The following SORCS2 variants were observed in gnomAD, a reference collection of about 807,000 sequenced individuals.
SORCS2 encodes the protein VPS10 domain-containing receptor SorCS2.
In SORCS2, 100 loss-of-function variants were observed where a neutral mutation model predicts 141.6. The observed-to-expected ratio is 0.71, with a 90% CI of 0.60 to 0.83. The LOEUF (loss-of-function observed/expected upper bound fraction) is 0.83, where lower values mean the gene tolerates loss of function less well. Ranked by LOEUF, SORCS2 falls within the 40% of genes least tolerant of loss-of-function variation. SORCS2 has a pLI of 0.00. For synonymous variants in SORCS2, 789 were observed against 676.9 expected, an observed-to-expected ratio of 1.17 and a Z score of -2.57; for missense variants, 1,646 against 1,560.2, an observed-to-expected ratio of 1.05 and a Z score of -0.93.
At chr4:7,309,548 G>A (rs1421456877) in intron 1 of SORCS2, among the ~76,000 whole-genome samples, 3 of 152,188 alleles carry the variant, frequency 2.0e-5, no homozygotes, top group African/African-American at 7.2e-5. Flanking sequence ...ATGGAGGAGT[G>A]AGAACCTGCC....
At chr4:7,629,187 A>T (rs1172925054) in intron 3 of SORCS2, among the ~76,000 whole-genome samples, 2 of 152,224 alleles carry the variant, frequency 1.3e-5, no homozygotes, top group Non-Finnish European at 2.9e-5. Context: ...GTATATACAC[A>T]TACATATATC....
chr4:7,345,737 C>T (rs538145913), intron 1 of SORCS2, among the ~76,000 whole-genome samples: 2 of 152,328 alleles, frequency 1.3e-5, no homozygotes, highest in East Asian at 1.9e-4. Flanking sequence ...AGCACATCAG[C>T]GAAGCTCAAA....
chr4:7,230,151 C>T (rs1164630146), intron 1 of SORCS2, among the ~76,000 whole-genome samples: 1 of 137,736 alleles, frequency 7.3e-6, no homozygotes, highest in African/African-American at 2.8e-5. Context: ...GTCATGTGCT[C>T]ATGTATGAAG....
chr4:7,635,715 G>GT (rs1319956938), intron 3 of SORCS2, among the ~76,000 whole-genome samples: 2 of 152,096 alleles, frequency 1.3e-5, no homozygotes, highest in Non-Finnish European at 2.9e-5. Context: ...GTTCTTCCTT[G>GT]TTTTTTTCCT....
chr4:7,559,405 C>A (rs552744385), intron 3 of SORCS2, among the ~76,000 whole-genome samples: 1 of 152,318 alleles, frequency 6.6e-6, no homozygotes, highest in Non-Finnish European at 1.5e-5. Context: ...CAGGGCGCAC[C>A]TGGAGGAGGC....
intron 2 of SORCS2, among the ~76,000 whole-genome samples, chr4:7,451,634 G>A (rs777374194): frequency 1.3e-5 from 2 of 152,266 alleles, no homozygotes; most frequent in Non-Finnish European, 2.9e-5. Flanking sequence ...CATGCAGTCT[G>A]CCCATGGGCA....
rs183215127 is a variant in SORCS2 at position 7,582,602 on chromosome 4, A to G, written c.648+50973A>G. ...GTAGCAGAGCAGCTCCCTCGCTGCA[A>G]TCTATTGAAAGTCAGCCCTCGACAC... is the stretch of plus-strand genomic sequence containing the variant. On this transcript the variant is annotated intron_variant, in intron 3 of 26. Coordinates refer to ENST00000507866, the MANE Select transcript of SORCS2 (RefSeq NM_020777.3). Among the ~76,000 whole-genome samples the G allele has an allele frequency of 1.5e-3, 236 of 152,300 alleles. 1 individual carries two copies. The highest frequency in any genetic ancestry group is 2.2e-3 in the Non-Finnish European group (149 of 68,020).
Position 7,531,583 on chromosome 4 carries a change from C to A in SORCS2, c.602C>A (p.Thr201Asn). The A allele has an allele frequency of 3.1e-6, 5 of 1,613,914 alleles. No individual in the cohort carries two copies. The highest frequency in any genetic ancestry group is 4.2e-6 in the Non-Finnish European group (5 of 1,179,872). Residue 201 changes from threonine to asparagine, a missense_variant, in exon 3 of 27, where the codon ACC becomes AAC. By Grantham distance (65) the Thr-to-Asn change is moderately conservative. Coordinates refer to ENST00000507866, the MANE Select transcript of SORCS2 (RefSeq NM_020777.3). The part of the protein sequence containing the change: ...YTKLTLQPGV[T>N]TVIDNFYICP... Reference sequence around the variant, plus strand: ...AAGCTCACCCTCCAGCCTGGTGTCACCACCGTCATCGACAATTTCTACATC... The same window carrying A: ...AAGCTCACCCTCCAGCCTGGTGTCAACACCGTCATCGACAATTTCTACATC...
intron 1 of SORCS2, among the ~76,000 whole-genome samples, chr4:7,215,712 C>G (rs560179505): frequency 6.6e-6 from 1 of 152,350 alleles, no homozygotes; most frequent in South Asian, 2.1e-4. Context: ...CTGTGTCTAG[C>G]TCAGGGTTTG....
intron 3 of SORCS2, among the ~76,000 whole-genome samples, chr4:7,576,609 G>T (rs967411322): frequency 2.0e-5 from 3 of 152,196 alleles, no homozygotes; most frequent in Non-Finnish European, 4.4e-5. Context: ...GTGCTCAAAG[G>T]CCTGTTGATC....
At chr4:7,336,728 A>C (rs551869281) in intron 1 of SORCS2, among the ~76,000 whole-genome samples, 1 of 151,768 alleles carries the variant, frequency 6.6e-6, no homozygotes, top group East Asian at 1.9e-4. Flanking sequence ...TGGAAGCGCC[A>C]GTAGCACCTT....
chr4:7,347,179 C>A (rs1466298166), intron 1 of SORCS2, among the ~76,000 whole-genome samples: 1 of 152,176 alleles, frequency 6.6e-6, no homozygotes, highest in Non-Finnish European at 1.5e-5. Flanking sequence ...TCAGGCAGCT[C>A]CTTCAAGCCT....
intron 1 of SORCS2, among the ~76,000 whole-genome samples, chr4:7,291,952 G>A (rs1000608510): frequency 6.6e-5 from 10 of 152,346 alleles, no homozygotes; most frequent in South Asian, 4.1e-4. Context: ...CAGGTCTCAC[G>A]GGGCCAAGGC....
At chr4:7,238,268 G>C (rs148002679) in intron 1 of SORCS2, among the ~76,000 whole-genome samples, 1 of 150,262 alleles carries the variant, frequency 6.7e-6, no homozygotes, top group East Asian at 1.9e-4. Context: ...AATTAGAAGA[G>C]GCTGGGGAGG....
chr4:7,595,376 A>G (rs1031042562), intron 3 of SORCS2, among the ~76,000 whole-genome samples: 2 of 152,078 alleles, frequency 1.3e-5, no homozygotes, highest in East Asian at 1.9e-4. Flanking sequence ...GGCACGGTGG[A>G]TTAAGTCACT....
rs549992248 is a variant in SORCS2, at chr4:7,638,478, A to G, written c.799A>G (p.Thr267Ala). ...GGAGGAGGACAAGGTCCTCGCCTAC[A>G]CAAAGGAGAGCAAGGTAAGATATAT... ...PKEEDKVLAY[T>A]KESKLYVSSD... Residue 267 changes from threonine (T) to alanine (A), a missense_variant, in exon 4 of 27, where the codon ACA (threonine) becomes GCA (alanine). Physicochemically the swap from Thr to Ala is moderately conservative, Grantham distance 58 (BLOSUM62 0). Transcript: ENST00000507866. 8.1e-6 allele frequency: 13 copies of G among 1,611,318 alleles called. No individual in the cohort carries two copies. The African/African-American group carries it at 1.5e-4, about 18-fold the overall frequency.
intron 9 of SORCS2, among the ~76,000 whole-genome samples, chr4:7,682,241 C>G (rs1042226187): frequency 6.6e-6 from 1 of 152,100 alleles, no homozygotes; most frequent in Non-Finnish European, 1.5e-5. Context: ...AAGCATGGAC[C>G]CTCCTGTCTT....
chr4:7,198,450 G>A (rs573073229), intron 1 of SORCS2, among the ~76,000 whole-genome samples: 11 of 152,192 alleles, frequency 7.2e-5, no homozygotes, highest in Admixed American at 2.0e-4. Context: ...AACTTGCTGT[G>A]CGTTACTCTG....
intron 9 of SORCS2, among the ~76,000 whole-genome samples, chr4:7,682,377 G>C (rs959064238): frequency 6.6e-6 from 1 of 152,186 alleles, no homozygotes; most frequent in African/African-American, 2.4e-5. Context: ...TCTGAGCTCT[G>C]AATCAGGACC....
Sources: gnomAD v4.1 joint callset for allele counts (sites outside exome capture counted in the v4.1 genomes callset) on GRCh38, gnomAD v4.1.1 for gene constraint, MANE v1.5 for transcripts, NCBI Gene and HGNC (gene_info 2026-07-23, HGNC 2026-07-21) for gene names.